Variants in ZNF700 observed in about 807,000 individuals in gnomAD.
The protein encoded by ZNF700 is zinc finger protein 700.
In ZNF700, 38 loss-of-function variants were observed where a neutral mutation model predicts 65.3. The ratio of observed to expected loss-of-function variants is 0.58; its 90% CI spans 0.45 to 0.76. ZNF700 has a LOEUF of 0.76. ZNF700 is among the 30% of genes least tolerant of loss of function. ZNF700 has a pLI of 0.00. For synonymous variants in ZNF700, 285 were observed against 290.4 expected (o/e 0.98, Z 0.19); for missense variants, 857 against 888.4 (o/e 0.96, Z 0.45).
intron 1 of ZNF700, among the ~76,000 whole-genome samples, chr19:11,935,822 A>G (rs925563935): frequency 2.6e-5 from 4 of 152,180 alleles, no homozygotes; most frequent in Non-Finnish European, 4.4e-5. Flanking sequence ...CTTGTCATTT[A>G]CATTCGGTAT....
intron 2 of ZNF700, 25 bp from the exon 3 acceptor site, chr19:11,947,489 C>G: frequency 6.2e-7 from 1 of 1,610,446 alleles, no homozygotes; most frequent in Non-Finnish European, 8.5e-7. Context: ...TGCTTCAGGA[C>G]TATTTTTCTG....
Position 11,947,561 on chromosome 19 carries a change from A to G in ZNF700, c.238A>G (p.Arg80Gly). The G allele has an allele frequency of 6.2e-7, 1 of 1,613,528 alleles. No homozygotes were observed. The highest frequency in any genetic ancestry group is 8.5e-7 in the Non-Finnish European group (1 of 1,179,864). Reference sequence around the variant, plus strand: ...CATTGAATATGAGTACCAAAACCCCAGAAGAAGCTTCAGGTAATTTGCATT... The same window carrying G: ...CATTGAATATGAGTACCAAAACCCCGGAAGAAGCTTCAGGTAATTTGCATT... ...QNIEYEYQNP[R>G]RSFRSLIEEK... The change falls in exon 3 of 4, where the codon AGA (arginine) becomes GGA (glycine). Residue 80 changes from arginine (R) to glycine (G), a missense_variant. Transcript: ENST00000254321.
At chr19:11,930,128 C>T (rs1890219092) in intron 1 of ZNF700, among the ~76,000 whole-genome samples, 2 of 148,220 alleles carry the variant, frequency 1.3e-5, no homozygotes, top group Admixed American at 1.3e-4. Flanking sequence ...GAGGAGATGC[C>T]TGGTATACTT....
At chr19:11,940,730 C>T (rs911564879) in intron 1 of ZNF700, among the ~76,000 whole-genome samples, 2 of 152,204 alleles carry the variant, frequency 1.3e-5, no homozygotes, top group African/African-American at 2.4e-5. Context: ...TATCTGGCCC[C>T]ACCCACATCC....
At position 11,925,293 on chromosome 19, in the gene ZNF700, T is replaced by G; in HGVS notation, c.63+20T>G. The G allele has an allele frequency of 6.2e-7, 1 of 1,610,350 alleles. No homozygotes were observed. Among genetic ancestry groups the G allele is most frequent in the Non-Finnish European group, 8.5e-7 (1 of 1,177,848 alleles). ...GAAATGGTGCGTGTGCGGGACCAGA[T>G]GTCGTGAGACGGGGGAGGGGCTGCC... On this transcript the variant is annotated intron_variant, in intron 1 of 3. Coordinates refer to ENST00000254321, the MANE Select transcript of ZNF700 (RefSeq NM_144566.3).
At chr19:11,940,462 G>A (rs1327895165) in intron 1 of ZNF700, among the ~76,000 whole-genome samples, 1 of 151,984 alleles carries the variant, frequency 6.6e-6, no homozygotes, top group African/African-American at 2.4e-5. Context: ...GCAGACCTTC[G>A]TGGTGAGTGT....
At chr19:11,927,906 T>C (rs1972655734) in intron 1 of ZNF700, among the ~76,000 whole-genome samples, 1 of 152,174 alleles carries the variant, frequency 6.6e-6, no homozygotes, top group Non-Finnish European at 1.5e-5. Context: ...CTGGCTCCCC[T>C]AGGCACCTGC....
chr19:11,942,500 G>A (rs558257016), intron 1 of ZNF700, among the ~76,000 whole-genome samples: 1 of 152,230 alleles, frequency 6.6e-6, no homozygotes, highest in East Asian at 1.9e-4. Context: ...TCAGACACTG[G>A]GTTAGAGAAG....
chr19:11,929,227 G>T (rs1404390063), intron 1 of ZNF700, among the ~76,000 whole-genome samples: 2 of 148,412 alleles, frequency 1.3e-5, no homozygotes, highest in African/African-American at 5.3e-5. Flanking sequence ...GTGCAGGCGC[G>T]ATCTCAGCTC....
chr19:11,947,012 T>A (rs1972970118), intron 1 of ZNF700, 169 bp from the exon 2 acceptor site: 1 of 1,172,740 alleles, frequency 8.5e-7, no homozygotes, highest in South Asian at 2.1e-5. Context: ...ATAAATAAAT[T>A]GCTTTATGGA....
Position 11,948,611 on chromosome 19 carries a change from G to C in ZNF700, c.587G>C (p.Cys196Ser). ...RDHTGEKPYA[C>S]KVCGKTFIFH... ...CACACTGGAGAGAAACCCTATGCTT[G>C]TAAAGTCTGTGGAAAAACCTTTATT... Residue 196 changes from cysteine to serine, a missense_variant, in exon 4 of 4, where the codon TGT becomes TCT. By Grantham distance (112) the Cys-to-Ser change is moderately radical (BLOSUM62 -1). Coordinates refer to ENST00000254321, the MANE Select transcript of ZNF700 (RefSeq NM_144566.3). 6.2e-7 allele frequency: 1 copy of C among 1,611,638 alleles called. No individual in the cohort carries two copies. Among genetic ancestry groups the C allele is most frequent in the Non-Finnish European group, 8.5e-7 (1 of 1,179,536 alleles).
At chr19:11,930,045 T>C (rs1972690643) in intron 1 of ZNF700, among the ~76,000 whole-genome samples, 1 of 148,128 alleles carries the variant, frequency 6.8e-6, no homozygotes, top group Admixed American at 6.6e-5. Context: ...GCCATGTCTC[T>C]TGGAGGGTCT....
At chr19:11,938,215 C>G (rs569514681) in intron 1 of ZNF700, among the ~76,000 whole-genome samples, 1 of 152,176 alleles carries the variant, frequency 6.6e-6, no homozygotes, top group Non-Finnish European at 1.5e-5. Flanking sequence ...ACTACAGGTA[C>G]ACACCACCAC....
At chr19:11,935,699 CT>C in intron 1 of ZNF700, among the ~76,000 whole-genome samples, 1 of 152,076 alleles carries the variant, frequency 6.6e-6, no homozygotes, top group East Asian at 1.9e-4. Context: ...GACAGTTTTA[CT>C]TTGTTTGTTT....
chr19:11,948,403 G>T lies in ZNF700; in HGVS notation c.379G>T (p.Asp127Tyr). ...AGCTTCTCCTGAAGTAAAATCATGT[G>T]ACAGCTTTGTGTGTGCAGAAGTTGG... The part of the protein sequence containing the change: ...KKASPEVKSC[D>Y]SFVCAEVGIG... Residue 127 changes from aspartate (D) to tyrosine (Y), a missense_variant, in exon 4 of 4, where the codon GAC becomes TAC. Transcript: ENST00000254321. 6.2e-7 allele frequency: 1 copy of T among 1,614,118 alleles called. No homozygotes were observed. The highest frequency in any genetic ancestry group is 8.5e-7 in the Non-Finnish European group (1 of 1,180,006).
rs1048331675 is a variant in ZNF700 at position 11,950,614 on chromosome 19, A to G, written c.*361A>G. On this transcript the variant is annotated 3_prime_UTR_variant, in exon 4 of 4. Transcript: ENST00000254321. ...AGGGTTCACACTTGGGAGAAACTCT[A>G]TGAATGTAAGCAGTATGGGAAAGCC... 1.6e-5 allele frequency: 7 copies of G among 446,230 alleles called. No individual in the cohort carries two copies. The highest frequency in any genetic ancestry group is 1.2e-4 in the African/African-American group (6 of 49,482). 27.6% of individuals were successfully genotyped at this position (446,230 alleles called of 1,614,324 possible).
At chr19:11,934,758 C>T (rs1972764208) in intron 1 of ZNF700, among the ~76,000 whole-genome samples, 1 of 147,922 alleles carries the variant, frequency 6.8e-6, no homozygotes, top group African/African-American at 2.7e-5. Context: ...AACTCCTGAC[C>T]TCAGGTCATC....
chr19:11,943,387 T>A (rs902305431), intron 1 of ZNF700, among the ~76,000 whole-genome samples: 2 of 152,232 alleles, frequency 1.3e-5, no homozygotes, highest in African/African-American at 2.4e-5. Flanking sequence ...CTGGGTTTCT[T>A]ACCGGGCTAA....
At chr19:11,929,608 C>T (rs1348550885) in intron 1 of ZNF700, among the ~76,000 whole-genome samples, 1 of 148,200 alleles carries the variant, frequency 6.7e-6, no homozygotes, top group Non-Finnish European at 1.5e-5. Context: ...AATTCGATTT[C>T]AGGGTCCTTA....
Sources: gnomAD v4.1 joint callset for allele counts (sites outside exome capture counted in the v4.1 genomes callset) on GRCh38, gnomAD v4.1.1 for gene constraint, MANE v1.5 for transcripts, NCBI Gene and HGNC (gene_info 2026-07-23, HGNC 2026-07-21) for gene names.